GLIS3: variants seen among roughly 807,000 people sequenced by gnomAD.
GLIS3 encodes the protein GLIS family zinc finger 3, also known as zinc finger protein GLIS3.
A neutral mutation model predicts 78.6 loss-of-function variants in GLIS3; 53 were observed. The ratio of observed to expected loss-of-function variants is 0.67; its 90% CI spans 0.54 to 0.85. The LOEUF is 0.85. Among genes scored for constraint, GLIS3 ranks in the 40% least tolerant of loss-of-function variants. The probability of loss-of-function intolerance (pLI) is 0.00; values close to 1 mark genes in which losing one functional copy is unlikely to be tolerated. For synonymous variants in GLIS3, 684 were observed against 509.9 expected (o/e 1.34, Z -4.60); for missense variants, 1,703 against 1,231.1 (o/e 1.38, Z -5.74).
At chr9:4,266,963 G>A (rs963607282) in intron 2 of GLIS3, among the ~76,000 whole-genome samples, 2 of 152,152 alleles carry the variant, frequency 1.3e-5, no homozygotes, top group African/African-American at 4.8e-5. Flanking sequence ...TACATGCTGT[G>A]ATATAACCCG....
intron 8 of GLIS3, among the ~76,000 whole-genome samples, chr9:3,874,896 T>G (rs1233087704): frequency 6.6e-6 from 1 of 152,196 alleles, no homozygotes; most frequent in Non-Finnish European, 1.5e-5. Flanking sequence ...TCCACTGTGG[T>G]CAATCCACAG....
At chr9:4,435,884 G>C in the GLIS3 span, among the ~76,000 whole-genome samples, 1 of 152,208 alleles carries the variant, frequency 6.6e-6, no homozygotes, top group African/African-American at 2.4e-5. Context: ...GGGAGGTGGA[G>C]CTTGCAGTGA....
rs564540324 is a variant in GLIS3 at position 4,060,964 on chromosome 9, G to C, written c.1710+56804C>G. On this transcript the variant is annotated intron_variant, in intron 4 of 10. Transcript: ENST00000381971. ...TTCTAGACTCAGAGCCTGCCTGCTAGTTCCTACTTTCTGGCCTATCTCTTG... is the reference window on the plus strand; with the variant it reads ...TTCTAGACTCAGAGCCTGCCTGCTACTTCCTACTTTCTGGCCTATCTCTTG... 4.6e-5 allele frequency among the ~76,000 whole-genome samples: 7 copies of C among 152,226 alleles called. 2 individuals carry two copies. In the South Asian group the frequency reaches 1.5e-3, roughly 32 times the overall value.
chr9:4,117,830 C>T lies in GLIS3; in HGVS notation c.1648G>A (p.Ala550Thr). 2 of 1,614,124 alleles carry T rather than the reference C, an allele frequency of 1.2e-6. No homozygotes were observed. The highest frequency in any genetic ancestry group is 1.7e-5 in the Admixed American group (1 of 60,016). ...ATGTGGATCAGCAGTTTATAGCGGG[C>T]GTTGAAGGGCTTGTATCTTCGAGGG... is the stretch of plus-strand genomic sequence containing the variant. ...GCPRRYKPFN[A>T]RYKLLIHMRV... The change falls in exon 4 of 11, where the codon GCC becomes ACC. Residue 550 changes from alanine (A) to threonine (T), a missense_variant. Physicochemically the swap from Ala to Thr is moderately conservative, Grantham distance 58. Coordinates refer to ENST00000381971, the MANE Select transcript of GLIS3 (RefSeq NM_001042413.2).
At position 4,244,592 on chromosome 9, in the gene GLIS3, G is replaced by T. The variant is rs79340463; in HGVS notation, c.388+41446C>A. On this transcript the variant is annotated intron_variant, in intron 2 of 10. Coordinates refer to ENST00000381971, the MANE Select transcript of GLIS3 (RefSeq NM_001042413.2). ...TCAAGGAATTTTTTTTCTTTTTTTT[G>T]AGACGGAGTTTTGCTCTTGCCACCC... Among the ~76,000 whole-genome samples, 7 of 151,224 alleles carry T rather than the reference G, an allele frequency of 4.6e-5. No individual in the cohort carries two copies. The East Asian group carries it at 9.7e-4, about 21-fold the overall frequency.
intron 4 of GLIS3, among the ~76,000 whole-genome samples, chr9:4,020,642 A>G (rs985536020): frequency 1.3e-5 from 2 of 152,184 alleles, no homozygotes; most frequent in African/African-American, 4.8e-5. Context: ...TCTAATCTTG[A>G]GATGTAACAG....
Position 4,086,874 on chromosome 9 carries a change from A to T in GLIS3, c.1710+30894T>A, listed in dbSNP as rs145042393. Reference sequence around the variant, plus strand: ...CAGAGCCTTGCTGTTCTTCAGTTGTAGCATTCTCCACAGTCTAACTGATAA... The same window carrying T: ...CAGAGCCTTGCTGTTCTTCAGTTGTTGCATTCTCCACAGTCTAACTGATAA... On this transcript the variant is annotated intron_variant, in intron 4 of 10. Transcript: ENST00000381971. 6.5e-3 allele frequency among the ~76,000 whole-genome samples: 991 copies of T among 152,338 alleles called. 4 individuals are homozygous for T. Among genetic ancestry groups the T allele is most frequent in the Non-Finnish European group, 9.9e-3 (671 of 68,030 alleles).
At chr9:3,873,375 C>A (rs1292063440) in intron 8 of GLIS3, among the ~76,000 whole-genome samples, 1 of 152,020 alleles carries the variant, frequency 6.6e-6, no homozygotes, top group Non-Finnish European at 1.5e-5. Flanking sequence ...CCCAACAGGA[C>A]AAGTGCGATT....
At chr9:4,177,366 C>T (rs55808775) in intron 2 of GLIS3, among the ~76,000 whole-genome samples, 19,451 of 152,096 alleles carry the variant, frequency 0.13, 1,396 homozygotes, top group African/African-American at 0.19. Flanking sequence ...CTAGACCTTG[C>T]CATTAACTAG....
the GLIS3 span, among the ~76,000 whole-genome samples, chr9:4,366,536 AG>A: frequency 6.6e-6 from 1 of 152,220 alleles, no homozygotes; most frequent in Non-Finnish European, 1.5e-5. Context: ...TATTCAGAGA[AG>A]GAACGTTCCA....
chr9:3,829,205 G>A (rs1483970808), intron 10 of GLIS3, 105 bp downstream of exon 10: 3 of 918,072 alleles, frequency 3.3e-6, no homozygotes, highest in South Asian at 1.4e-5. Flanking sequence ...AGGATTTGAT[G>A]CGGTCATGTG....
intron 9 of GLIS3, among the ~76,000 whole-genome samples, chr9:3,834,933 G>T (rs1351990749): frequency 1.3e-5 from 2 of 152,150 alleles, no homozygotes; most frequent in African/African-American, 4.8e-5. Context: ...ACTTCAGATT[G>T]CAGGCCTAGC....
chr9:4,079,555 C>T (rs1035736639), intron 4 of GLIS3, among the ~76,000 whole-genome samples: 6 of 152,122 alleles, frequency 3.9e-5, no homozygotes, highest in African/African-American at 7.2e-5. Context: ...TTTCAAAGTC[C>T]GCATTCTGTT....
chr9:4,197,357 T>G (rs1036595850), intron 2 of GLIS3, among the ~76,000 whole-genome samples: 2 of 152,098 alleles, frequency 1.3e-5, no homozygotes, highest in African/African-American at 4.8e-5. Context: ...CCTCCTTGTG[T>G]AGAGATCATG....
the GLIS3 span, among the ~76,000 whole-genome samples, chr9:4,455,116 G>A: frequency 6.6e-6 from 1 of 152,062 alleles, no homozygotes; most frequent in African/African-American, 2.4e-5. Flanking sequence ...TCCTAAAATA[G>A]CAATATAAAA....
chr9:4,359,979 T>C, the GLIS3 span, among the ~76,000 whole-genome samples: 3 of 151,628 alleles, frequency 2.0e-5, no homozygotes, highest in African/African-American at 7.3e-5. Context: ...TGTTTATATA[T>C]ACATATAATG....
At chr9:3,964,305 G>T (rs1017280431) in intron 4 of GLIS3, among the ~76,000 whole-genome samples, 2 of 152,226 alleles carry the variant, frequency 1.3e-5, no homozygotes, top group Non-Finnish European at 2.9e-5. Context: ...AATAACAGAA[G>T]CATCTTATAA....
intron 4 of GLIS3, among the ~76,000 whole-genome samples, chr9:3,951,348 C>T (rs1213312195): frequency 1.3e-5 from 2 of 151,810 alleles, no homozygotes; most frequent in African/African-American, 4.8e-5. Context: ...ATCCACAGAG[C>T]CACTTCTTTT....
chr9:4,302,021 G>C (rs995407961), upstream of GLIS3, among the ~76,000 whole-genome samples: 2 of 150,430 alleles, frequency 1.3e-5, no homozygotes, highest in African/African-American at 4.9e-5. Flanking sequence ...CAAGAATGTA[G>C]ATCTGCAATG....
Sources: allele counts gnomAD v4.1 joint callset (sites outside exome capture counted in the v4.1 genomes callset), GRCh38; gene constraint gnomAD v4.1.1; transcripts MANE v1.5; gene names NCBI Gene and HGNC (gene_info 2026-07-23, HGNC 2026-07-21).